Variants in MMP7 observed in about 807,000 individuals in gnomAD.
MMP7 encodes matrilysin.
MMP7 carries 26 observed loss-of-function variants against 31.5 expected under a neutral mutation model. The observed-to-expected ratio is 0.83, with a 90% CI of 0.61 to 1.15. The LOEUF is 1.15. MMP7 is among the 50% of genes most tolerant of loss of function. The pLI is 0.00. For missense variants in MMP7, 367 were observed against 326.5 expected, an observed-to-expected ratio of 1.12 and a Z score of -0.96; for synonymous variants, 142 against 124.2, an observed-to-expected ratio of 1.14 and a Z score of -0.95.
intron 4 of MMP7, 67 bp from the exon 5 acceptor site, chr11:102,523,468 T>C: frequency 8.1e-7 from 1 of 1,228,168 alleles, no homozygotes; most frequent in Admixed American, 2.7e-5. Context: ...ATATTATATA[T>C]ATGATATCAT....
rs17880787 is a variant in MMP7 at position 102,523,528 on chromosome 11, T to C, written c.614-127A>G. The stretch of plus-strand genomic sequence containing the variant: ...ACCCAAGTTTTAGCCCACGGTAGCT[T>C]ACTTATTTGTTTCTAGGCTTTCAAA... On this transcript the variant is annotated intron_variant, in intron 4 of 5. Coordinates refer to ENST00000260227, the MANE Select transcript of MMP7 (RefSeq NM_002423.5). The C allele has an allele frequency of 7.8e-3, 5,722 of 737,962 alleles. 141 individuals are homozygous for C. Among genetic ancestry groups the C allele is most frequent in the East Asian group, 0.071 (2,298 of 32,352 alleles). 45.7% of individuals were successfully genotyped at this position (737,962 alleles called of 1,614,324 possible).
chr11:102,527,263 C>T, intron 3 of MMP7: 1 of 459,366 alleles, frequency 2.2e-6, no homozygotes, highest in South Asian at 2.4e-5. Context: ...TGACTGTGTT[C>T]CAGTAAAACT....
chr11:102,520,913 C>T (rs1858606184), intron 5 of MMP7, 109 bp from the exon 6 acceptor site: 7 of 705,548 alleles, frequency 9.9e-6, no homozygotes, highest in South Asian at 2.0e-5. Context: ...CTATTATTCA[C>T]TCAGACCATT....
intron 3 of MMP7, among the ~76,000 whole-genome samples, chr11:102,525,763 G>GTTTT (rs61047680): frequency 5.7e-5 from 8 of 139,900 alleles, no homozygotes; most frequent in Non-Finnish European, 6.2e-5. Flanking sequence ...CATTTCATAG[G>GTTTT]TTTTTTTTTT....
chr11:102,530,499 C>T (rs896971962), intron 1 of MMP7, 94 bp downstream of exon 1: 3 of 985,842 alleles, frequency 3.0e-6, no homozygotes, highest in African/African-American at 1.6e-5. Flanking sequence ...AATTCCACTG[C>T]AATGCTAACA....
At position 102,520,680 on chromosome 11, in the gene MMP7, C is replaced by T; in HGVS notation, c.*96G>A. ...GCAATAAAAAAGGGTGACATAATTG[C>T]TAAATGGAGTGGAGGAACAGTGCTT... On this transcript the variant is annotated 3_prime_UTR_variant, in exon 6 of 6. Transcript: ENST00000260227. 4 of 1,013,530 alleles carry T rather than the reference C, an allele frequency of 3.9e-6. No individual in the cohort carries two copies. Among genetic ancestry groups the T allele is most frequent in the Non-Finnish European group, 5.8e-6 (4 of 692,776 alleles). 62.8% of individuals were successfully genotyped at this position (1,013,530 alleles called of 1,614,324 possible).
chr11:102,527,939 A>T lies in MMP7; in HGVS notation c.153T>A (p.Asn51Lys), dbSNP rs777899775. 1 of 1,614,052 alleles carries T rather than the reference A, an allele frequency of 6.2e-7. No homozygotes were observed. The highest frequency in any genetic ancestry group is 1.1e-5 in the South Asian group (1 of 91,078). Residue 51 changes from asparagine (N) to lysine (K), a missense_variant, in exon 2 of 6, where the codon AAT becomes AAA. By Grantham distance (94) the Asn-to-Lys change is moderately conservative. Coordinates refer to ENST00000260227, the MANE Select transcript of MMP7 (RefSeq NM_002423.5). ...TGAGTTTGGCTTCTAAACTGTTGGCATTTTTTGTTTCTGAGTCATAGAGAT... is the reference window on the plus strand; with the variant it reads ...TGAGTTTGGCTTCTAAACTGTTGGCTTTTTTTGTTTCTGAGTCATAGAGAT... ...RFYLYDSETK[N>K]ANSLEAKLKE...
intron 1 of MMP7, among the ~76,000 whole-genome samples, chr11:102,529,241 G>A (rs570730838): frequency 6.6e-6 from 1 of 152,126 alleles, no homozygotes; most frequent in African/African-American, 2.4e-5. Context: ...ACCAACAATT[G>A]TCTCATTAAA....
chr11:102,526,658 C>T (rs957445188), intron 3 of MMP7, among the ~76,000 whole-genome samples: 1 of 152,162 alleles, frequency 6.6e-6, no homozygotes, highest in Non-Finnish European at 1.5e-5. Flanking sequence ...CCTTTGGAAG[C>T]TGCGACTCTT....
In MMP7 at chr11:102,524,935, C is replaced by T; in HGVS notation, c.613+1G>A. On this transcript the variant is annotated splice_donor_variant, in intron 4 of 5. Transcript: ENST00000260227. LOFTEE classifies it high-confidence loss of function. ...AGTAGAAGAGACATGAGATGCTATA[C>T]CTAGACTGCTACCATCCGTCCAGCG... The T allele has an allele frequency of 6.2e-7, 1 of 1,613,380 alleles. No homozygotes were observed. The highest frequency in any genetic ancestry group is 8.5e-7 in the Non-Finnish European group (1 of 1,179,712).
At chr11:102,526,217 A>AT (rs1433358680) in intron 3 of MMP7, among the ~76,000 whole-genome samples, 1 of 50,562 alleles carries the variant, frequency 2.0e-5, no homozygotes, top group East Asian at 4.1e-4. Flanking sequence ...ACCCACGTAA[A>AT]AAAAAAAAAT....
intron 4 of MMP7, chr11:102,524,538 C>A (rs1858647069): frequency 6.6e-6 from 1 of 152,522 alleles, no homozygotes; most frequent in Admixed American, 6.5e-5. Flanking sequence ...GAAGAAAGAG[C>A]TATAATTTAA....
Position 102,520,672 on chromosome 11 carries a change from C to T in MMP7, c.*104G>A, listed in dbSNP as rs1416609466. On this transcript the variant is annotated 3_prime_UTR_variant, in exon 6 of 6. Transcript: ENST00000260227. ...AACCAACTGCAATAAAAAAGGGTGACATAATTGCTAAATGGAGTGGAGGAA... is the reference window on the plus strand; with the variant it reads ...AACCAACTGCAATAAAAAAGGGTGATATAATTGCTAAATGGAGTGGAGGAA... The T allele has an allele frequency of 4.4e-6, 4 of 915,386 alleles. 1 individual carries two copies. The African/African-American group carries it at 6.6e-5, about 15-fold the overall frequency. 56.7% of individuals were successfully genotyped at this position (915,386 alleles called of 1,614,324 possible).
intron 5 of MMP7, among the ~76,000 whole-genome samples, chr11:102,522,013 C>A (rs1356164527): frequency 1.3e-5 from 2 of 152,136 alleles, no homozygotes; most frequent in Non-Finnish European, 2.9e-5. Flanking sequence ...CTCATTGAGA[C>A]CCATAAAAAG....
intron 1 of MMP7, 47 bp downstream of exon 1, chr11:102,530,546 G>A (rs755980147): frequency 7.0e-7 from 1 of 1,431,438 alleles, no homozygotes; most frequent in Non-Finnish European, 9.9e-7. Context: ...ATTTCTTAAT[G>A]CAGATGGCAA....
Position 102,523,294 on chromosome 11 carries a change from G to T in MMP7, c.721C>A (p.Pro241Thr), listed in dbSNP as rs1858633606. The T allele has an allele frequency of 6.2e-7, 1 of 1,611,702 alleles. No individual in the cohort carries two copies. The highest frequency in any genetic ancestry group is 1.3e-5 in the African/African-American group (1 of 74,818). Residue 241 changes from proline to threonine, a missense_variant, in exon 5 of 6, where the codon CCC (proline) becomes ACC (threonine). By Grantham distance (38) the Pro-to-Thr change is conservative (BLOSUM62 -1). Transcript: ENST00000260227. ...TCCTGGGAAAGTTTAAAATTTTGGG[G>T]ATCTCCATTTCCATAGGTTGGATAC... ...VMYPTYGNGD[P>T]QNFKLSQDDI...
rs561974984 is a variant in MMP7, at chr11:102,525,037, C to G, written c.512G>C (p.Gly171Ala). ...GGCATGAGCCAGCGTGTTTCCTGGC[C>G]CATCAAATGGGTAGGAGTCCCCATG... ...GAHGDSYPFD[G>A]PGNTLAHAFA... The change falls in exon 4 of 6, where the codon GGG becomes GCG. Residue 171 changes from glycine (G) to alanine (A), a missense_variant. Coordinates refer to ENST00000260227, the MANE Select transcript of MMP7 (RefSeq NM_002423.5). 1 of 1,612,690 alleles carries G rather than the reference C, an allele frequency of 6.2e-7. No individual in the cohort carries two copies. The highest frequency in any genetic ancestry group is 1.7e-5 in the Admixed American group (1 of 59,706).
intron 1 of MMP7, among the ~76,000 whole-genome samples, 193 bp from the exon 2 acceptor site, chr11:102,528,176 C>T (rs181165334): frequency 2.0e-3 from 301 of 152,232 alleles, no homozygotes; most frequent in African/African-American, 6.9e-3. Flanking sequence ...GAAGCACTGG[C>T]GTGCCATTTC....
At position 102,527,628 on chromosome 11, in the gene MMP7, C is replaced by T. The variant is rs138303399; in HGVS notation, c.380G>A (p.Arg127Gln). 9.9e-6 allele frequency: 16 copies of T among 1,613,986 alleles called. No individual in the cohort carries two copies. The highest frequency in any genetic ancestry group is 3.3e-4 in the Middle Eastern group (2 of 6,084). The change falls in exon 3 of 6, where the codon CGA becomes CAA. Residue 127 changes from arginine (R) to glutamine (Q), a missense_variant. By Grantham distance (43) the Arg-to-Gln change is conservative (BLOSUM62 1). Coordinates refer to ENST00000260227, the MANE Select transcript of MMP7 (RefSeq NM_002423.5). The stretch of plus-strand genomic sequence containing the variant: ...CATGTTTAAAGCCTTTGACACTAAT[C>T]GATCCACTGTAATATGCGGTAAGTC... ...TRDLPHITVD[R>Q]LVSKALNMWG...
Sources: gnomAD v4.1 joint callset for allele counts (sites outside exome capture counted in the v4.1 genomes callset) on GRCh38, gnomAD v4.1.1 for gene constraint, MANE v1.5 for transcripts, NCBI Gene and HGNC (gene_info 2026-07-23, HGNC 2026-07-21) for gene names.